The following TMEM17 variants were observed in gnomAD, a reference collection of about 807,000 sequenced individuals.
The protein encoded by TMEM17 is transmembrane protein 17.
A neutral mutation model predicts 19.1 loss-of-function variants in TMEM17; 15 were observed. The ratio of observed to expected loss-of-function variants is 0.78; its 90% CI spans 0.52 to 1.21. The LOEUF (loss-of-function observed/expected upper bound fraction) is 1.21. TMEM17 is among the 50% of genes most tolerant of loss of function. TMEM17 has a pLI of 0.00. For missense variants in TMEM17, 245 were observed against 242.3 expected (o/e 1.01, Z -0.07); for synonymous variants, 103 against 86.9 (o/e 1.19, Z -1.03).
At chr2:62,495,022 TAAAAAA>T in the TMEM17 span, among the ~76,000 whole-genome samples, 1 of 152,024 alleles carries the variant, frequency 6.6e-6, no homozygotes, top group Non-Finnish European at 1.5e-5. Flanking sequence ...CTCAAAAAAA[TAAAAAA>T]TAAAAAGTCT....
chr2:62,454,888 T>G, the TMEM17 span, among the ~76,000 whole-genome samples: 1 of 152,150 alleles, frequency 6.6e-6, no homozygotes, highest in African/African-American at 2.4e-5. Context: ...GTATTTTTAA[T>G]GGAGACAGGG....
At chr2:62,458,065 T>C in the TMEM17 span, among the ~76,000 whole-genome samples, 1 of 152,196 alleles carries the variant, frequency 6.6e-6, no homozygotes, top group East Asian at 1.9e-4. Flanking sequence ...CCTCCCCTTG[T>C]TAAATGCGGA....
At chr2:62,482,115 C>G in the TMEM17 span, among the ~76,000 whole-genome samples, 156 of 152,200 alleles carry the variant, frequency 1.0e-3, no homozygotes, top group Non-Finnish European at 1.6e-3. Flanking sequence ...TAAAGGATAA[C>G]CTTTGTGAGT....
chr2:62,461,967 C>T, the TMEM17 span, among the ~76,000 whole-genome samples: 3 of 152,220 alleles, frequency 2.0e-5, no homozygotes, highest in African/African-American at 7.2e-5. Flanking sequence ...GGCATTCGGC[C>T]CTGGCAGTCA....
At chr2:62,488,111 A>C in the TMEM17 span, among the ~76,000 whole-genome samples, 1 of 152,160 alleles carries the variant, frequency 6.6e-6, no homozygotes, top group African/African-American at 2.4e-5. Context: ...GATGTGGGGA[A>C]AGTATGACTT....
chr2:62,492,831 A>G, the TMEM17 span, among the ~76,000 whole-genome samples: 50 of 152,214 alleles, frequency 3.3e-4, no homozygotes, highest in Non-Finnish European at 6.5e-4. Flanking sequence ...GTTTCACCAC[A>G]TAGATAAGAT....
At chr2:62,485,088 C>T in the TMEM17 span, among the ~76,000 whole-genome samples, 1,232 of 152,310 alleles carry the variant, frequency 8.1e-3, 7 homozygotes, top group Non-Finnish European at 0.012. Flanking sequence ...CAGGTGTGTG[C>T]CAACACGCCC....
chr2:62,476,892 A>G, the TMEM17 span, among the ~76,000 whole-genome samples: 2 of 152,280 alleles, frequency 1.3e-5, no homozygotes, highest in African/African-American at 4.8e-5. Context: ...GGGGTTACAG[A>G]AGAATGTTAT....
In TMEM17 at chr2:62,502,745, A is replaced by G. The variant is rs753305745; in HGVS notation, c.150T>C (p.Asn50=). The change falls in exon 2 of 4, where the codon AAT becomes AAC. Residue 50 remains asparagine (N), a synonymous_variant. Coordinates refer to ENST00000335390, the MANE Select transcript of TMEM17 (RefSeq NM_198276.3). ...CCCACCACAGTGGGAAATAGTAGGTATTAAAATAAAGTGACATCTGCAGTG... is the reference window on the plus strand; with the variant it reads ...CCCACCACAGTGGGAAATAGTAGGTGTTAAAATAAAGTGACATCTGCAGTG... ...SLALQMSLYF[N]TYYFPLWWVS... is the part of the protein sequence containing the mutation. 3.1e-6 allele frequency: 5 copies of G among 1,609,608 alleles called. No individual in the cohort carries two copies.
chr2:62,501,447 A>T lies in TMEM17; in HGVS notation c.359T>A (p.Leu120Ter). The T allele has an allele frequency of 1.2e-6, 2 of 1,613,880 alleles. No individual in the cohort carries two copies. Among genetic ancestry groups the T allele is most frequent in the Non-Finnish European group, 1.7e-6 (2 of 1,179,920 alleles). The change falls in exon 4 of 4, where the codon TTG (leucine) becomes TAG (stop). Residue 120 changes from leucine (L) to a stop codon, truncating the protein, a stop_gained. Transcript: ENST00000335390. LOFTEE classifies it high-confidence loss of function. ...LAGFWLLSLL[L>*]QLPLILFLLF... Reference sequence around the variant, plus strand: ...CAAGAAAAGAATTAAAGGTAACTGCAATAGAAGGCTCAAAAGCCAAAAGCC... The same window carrying T: ...CAAGAAAAGAATTAAAGGTAACTGCTATAGAAGGCTCAAAAGCCAAAAGCC...
intron 1 of TMEM17, among the ~76,000 whole-genome samples, chr2:62,503,532 A>C (rs532342054): frequency 6.6e-6 from 1 of 152,334 alleles, no homozygotes; most frequent in Admixed American, 6.5e-5. Flanking sequence ...GAATTATTTA[A>C]ACTCTTTGAG....
chr2:62,504,241 C>T (rs530959806), intron 1 of TMEM17, among the ~76,000 whole-genome samples: 2 of 152,248 alleles, frequency 1.3e-5, no homozygotes, highest in South Asian at 4.1e-4. Flanking sequence ...TATTAAATTA[C>T]CACTGATAAA....
At chr2:62,483,077 T>G in the TMEM17 span, among the ~76,000 whole-genome samples, 3 of 152,198 alleles carry the variant, frequency 2.0e-5, no homozygotes, top group African/African-American at 7.2e-5. Context: ...ATACGAAGGT[T>G]AAGTGACTTG....
the TMEM17 span, among the ~76,000 whole-genome samples, chr2:62,473,808 G>A: frequency 1.3e-5 from 2 of 152,216 alleles, no homozygotes; most frequent in African/African-American, 4.8e-5. Flanking sequence ...GATCACAGAG[G>A]GATGCTGGAC....
the TMEM17 span, among the ~76,000 whole-genome samples, chr2:62,477,941 G>A: frequency 6.6e-5 from 10 of 152,150 alleles, no homozygotes; most frequent in South Asian, 2.1e-4. Context: ...CTGCTTCACC[G>A]CCTTTCTGCG....
the TMEM17 span, among the ~76,000 whole-genome samples, chr2:62,479,843 T>C: frequency 7.3e-6 from 1 of 136,306 alleles, no homozygotes. Flanking sequence ...GCTGAGGTCA[T>C]GCCACTGCAC....
At chr2:62,479,906 A>AC in the TMEM17 span, among the ~76,000 whole-genome samples, 37 of 150,828 alleles carry the variant, frequency 2.5e-4, no homozygotes, top group Middle Eastern at 0.02. Flanking sequence ...AAAAAAAAAA[A>AC]AAAAAAAGAT....
the TMEM17 span, among the ~76,000 whole-genome samples, chr2:62,472,470 C>T: frequency 6.6e-6 from 1 of 152,166 alleles, no homozygotes; most frequent in Non-Finnish European, 1.5e-5. Flanking sequence ...GCTGGCGTCT[C>T]CCCTGTCTGT....
the TMEM17 span, among the ~76,000 whole-genome samples, chr2:62,477,404 A>AT: frequency 6.6e-6 from 1 of 151,252 alleles, no homozygotes; most frequent in African/African-American, 2.4e-5. Context: ...CTCAAAACAA[A>AT]CAAAAAAATC....
Sources: allele counts gnomAD v4.1 joint callset (sites outside exome capture counted in the v4.1 genomes callset), GRCh38; gene constraint gnomAD v4.1.1; transcripts MANE v1.5; gene names NCBI Gene and HGNC (gene_info 2026-07-23, HGNC 2026-07-21).